Variants in PTH2R observed in about 807,000 individuals in gnomAD.
PTH2R encodes the protein PTH2 receptor.
Under a neutral mutation model 60.3 loss-of-function variants are expected in PTH2R, and 59 were observed. The ratio of observed to expected loss-of-function variants is 0.98; its 90% CI spans 0.79 to 1.22. The LOEUF (loss-of-function observed/expected upper bound fraction) is 1.22. Ranked by LOEUF, PTH2R falls within the 50% of genes most tolerant of loss-of-function variation. PTH2R has a pLI of 0.00. For synonymous variants in PTH2R, 256 were observed against 243.8 expected, an observed-to-expected ratio of 1.05 and a Z score of -0.47; for missense variants, 749 against 682.6, an observed-to-expected ratio of 1.10 and a Z score of -1.08.
chr2:208,465,388 C>CTTT lies in PTH2R; in HGVS notation c.981+5457_981+5459dup, dbSNP rs60871321. 5.0e-3 allele frequency among the ~76,000 whole-genome samples: 201 copies of CTTT among 39,962 alleles called. 19 individuals carry two copies. Among genetic ancestry groups the CTTT allele is most frequent in the East Asian group, 0.014 (14 of 1,026 alleles). 26.2% of individuals were successfully genotyped at this position (39,962 alleles called of 152,430 possible). On this transcript the variant is annotated intron_variant, in intron 9 of 12. Coordinates refer to ENST00000272847, the MANE Select transcript of PTH2R (RefSeq NM_005048.4). ...ACATACTTGTTGGCTATTTGTAAGT[C>CTTT]TTTTTTTTTTTTTTTTTTTTTTTTT...
At chr2:208,424,365 T>C (rs1701815511) in intron 1 of PTH2R, among the ~76,000 whole-genome samples, 1 of 152,226 alleles carries the variant, frequency 6.6e-6, no homozygotes, top group Non-Finnish European at 1.5e-5. Context: ...TTAGCTGTCC[T>C]TGTGTTGCTA....
Position 208,459,723 on chromosome 2 carries a change from G to A in PTH2R, c.915-172G>A, listed in dbSNP as rs111852041. Among the ~76,000 whole-genome samples the A allele has an allele frequency of 7.0e-4, 107 of 152,150 alleles. 1 individual carries two copies. Among genetic ancestry groups the A allele is most frequent in the African/African-American group, 2.2e-3 (93 of 41,532 alleles). The stretch of plus-strand genomic sequence containing the variant: ...GCTAATAATATGAAAATCAATACCC[G>A]TTACACTTTTTCCCCCCACTGGCTT... On this transcript the variant is annotated intron_variant, in intron 8 of 12. Transcript: ENST00000272847.
At chr2:208,455,081 C>T (rs900240673) in intron 8 of PTH2R, among the ~76,000 whole-genome samples, 9 of 152,076 alleles carry the variant, frequency 5.9e-5, no homozygotes, top group African/African-American at 2.2e-4. Flanking sequence ...TACTTTGATC[C>T]CTTTATGCTA....
At chr2:208,402,603 C>T (rs540902131), upstream of PTH2R, among the ~76,000 whole-genome samples, 1 of 152,280 alleles carries the variant, frequency 6.6e-6, no homozygotes, top group African/African-American at 2.4e-5. Context: ...AATCCATCTC[C>T]AAATTAAAGG....
At chr2:208,365,341 T>C (rs1337552767) in intron 1 of PTH2R, among the ~76,000 whole-genome samples, 1 of 152,198 alleles carries the variant, frequency 6.6e-6, no homozygotes, top group Non-Finnish European at 1.5e-5. Context: ...AATTTCCTTC[T>C]CTTTCCACTT....
At chr2:208,472,931 A>G (rs1702917743) in intron 9 of PTH2R, among the ~76,000 whole-genome samples, 1 of 152,222 alleles carries the variant, frequency 6.6e-6, no homozygotes, top group Admixed American at 6.5e-5. Context: ...AAAATGCTGA[A>G]GCCAAGGTCA....
chr2:208,492,247 GCATGACAGTTA>G (rs1703420662), intron 12 of PTH2R, among the ~76,000 whole-genome samples: 1 of 152,206 alleles, frequency 6.6e-6, no homozygotes, highest in Non-Finnish European at 1.5e-5. Flanking sequence ...CAGATTGATA[GCATGACAGTTA>G]CATTTCAAAT....
At chr2:208,419,704 G>C (rs1055222575) in intron 1 of PTH2R, among the ~76,000 whole-genome samples, 1 of 152,160 alleles carries the variant, frequency 6.6e-6, no homozygotes, top group African/African-American at 2.4e-5. Flanking sequence ...TTTTGTATAA[G>C]GTGTAAGGAA....
rs1374441350 is a variant in PTH2R, at chr2:208,493,459, C to T, written c.1453C>T (p.Gln485Ter). The part of the protein sequence containing the change: ...SGKAAKIASR[Q>*]PDSHITLPGY... ...CAAAGCTGCCAAGATCGCCAGCAGA[C>T]AGCCTGACAGCCACATCACTTTACC... is the stretch of plus-strand genomic sequence containing the variant. Residue 485 changes from glutamine to a stop codon, truncating the protein, a stop_gained, in exon 13 of 13, where the codon CAG (glutamine) becomes TAG (stop). Coordinates refer to ENST00000272847, the MANE Select transcript of PTH2R (RefSeq NM_005048.4). LOFTEE classifies it low-confidence loss of function (END_TRUNC). 1 of 1,610,576 alleles carries T rather than the reference C, an allele frequency of 6.2e-7. No homozygotes were observed. The highest frequency in any genetic ancestry group is 1.3e-5 in the African/African-American group (1 of 75,020).
At chr2:208,413,656 C>G (rs1306164071) in intron 1 of PTH2R, among the ~76,000 whole-genome samples, 1 of 152,168 alleles carries the variant, frequency 6.6e-6, no homozygotes, top group Non-Finnish European at 1.5e-5. Flanking sequence ...TTTTTACATT[C>G]TTGAAGTTTT....
intron 1 of PTH2R, among the ~76,000 whole-genome samples, chr2:208,364,462 C>T (rs571500184): frequency 6.6e-6 from 1 of 152,128 alleles, no homozygotes; most frequent in African/African-American, 2.4e-5. Flanking sequence ...CCAGTTTTCC[C>T]AGCATCATTT....
intron 1 of PTH2R, among the ~76,000 whole-genome samples, chr2:208,410,629 T>G (rs1163648183): frequency 6.6e-6 from 1 of 152,204 alleles, no homozygotes; most frequent in Non-Finnish European, 1.5e-5. Flanking sequence ...CAAATCAGCA[T>G]GGACAAGATC....
chr2:208,430,859 C>T (rs2105858065), intron 2 of PTH2R, among the ~76,000 whole-genome samples: 1 of 152,226 alleles, frequency 6.6e-6, no homozygotes. Flanking sequence ...GCCAGCATGC[C>T]CGGCCTCTGT....
intron 8 of PTH2R, 106 bp downstream of exon 8, chr2:208,450,915 A>T (rs1446662888): frequency 2.4e-6 from 3 of 1,266,624 alleles, no homozygotes; most frequent in Non-Finnish European, 3.4e-6. Flanking sequence ...ATTGCTTTTT[A>T]GGGATGCCAC....
At chr2:208,450,194 C>T (rs1013140822) in intron 7 of PTH2R, among the ~76,000 whole-genome samples, 2 of 152,148 alleles carry the variant, frequency 1.3e-5, no homozygotes, top group Non-Finnish European at 2.9e-5. Context: ...ATAGTGGTCA[C>T]CCTTTTCTAT....
chr2:208,471,474 T>C (rs977174297), intron 9 of PTH2R, among the ~76,000 whole-genome samples: 7 of 152,238 alleles, frequency 4.6e-5, no homozygotes, highest in Admixed American at 2.0e-4. Flanking sequence ...GCTTGGGCCA[T>C]GGCTTCAGAG....
chr2:208,408,566 C>A (rs531280206), intron 1 of PTH2R, among the ~76,000 whole-genome samples: 1 of 151,976 alleles, frequency 6.6e-6, no homozygotes, highest in African/African-American at 2.4e-5. Flanking sequence ...GTGGCTCACG[C>A]CTGTAATCCC....
chr2:208,371,621 T>A (rs1436617487), intron 1 of PTH2R, among the ~76,000 whole-genome samples: 1 of 152,170 alleles, frequency 6.6e-6, no homozygotes, highest in Non-Finnish European at 1.5e-5. Context: ...CTTATAGTGC[T>A]TTTATGGTAT....
At chr2:208,365,814 C>T (rs182363879) in intron 1 of PTH2R, among the ~76,000 whole-genome samples, 1 of 144,318 alleles carries the variant, frequency 6.9e-6, no homozygotes, top group East Asian at 2.0e-4. Flanking sequence ...TCATAGCTCA[C>T]TGCAGCCTCT....
Sources: gnomAD v4.1 joint callset for allele counts (sites outside exome capture counted in the v4.1 genomes callset) on GRCh38, gnomAD v4.1.1 for gene constraint, MANE v1.5 for transcripts, NCBI Gene and HGNC (gene_info 2026-07-23, HGNC 2026-07-21) for gene names.